Variants in CYRIB observed in about 807,000 individuals in gnomAD.
The protein encoded by CYRIB is CYFIP-related Rac1 interactor B.
Under a neutral mutation model 44.2 loss-of-function variants are expected in CYRIB, and 8 were observed. That is an observed-to-expected ratio of 0.18 (90% CI 0.11 to 0.33). The LOEUF is 0.33. Among genes scored for constraint, CYRIB ranks in the 10% least tolerant of loss-of-function variants. The pLI is 1.00. For synonymous variants in CYRIB, 131 were observed against 127.2 expected (o/e 1.03, Z -0.20); for missense variants, 185 against 382.8 (o/e 0.48, Z 4.31).
intron 1 of CYRIB, among the ~76,000 whole-genome samples, chr8:129,981,468 T>A (rs2096237906): frequency 6.6e-6 from 1 of 152,194 alleles, no homozygotes; most frequent in Non-Finnish European, 1.5e-5. Context: ...CACCCTTTTT[T>A]AAGTGGAGAC....
chr8:129,959,038 T>C (rs1591175067), intron 2 of CYRIB, among the ~76,000 whole-genome samples: 1 of 114,424 alleles, frequency 8.7e-6, no homozygotes, highest in Non-Finnish European at 1.6e-5. Context: ...CACTCCAGCC[T>C]GGGCAACAGA....
intron 3 of CYRIB, among the ~76,000 whole-genome samples, chr8:129,875,045 T>C (rs2058640556): frequency 6.6e-6 from 1 of 152,184 alleles, no homozygotes; most frequent in African/African-American, 2.4e-5. Flanking sequence ...AAAAAATACT[T>C]ACTGAACTTC....
At chr8:129,965,597 C>T (rs2095443657) in intron 2 of CYRIB, among the ~76,000 whole-genome samples, 1 of 151,770 alleles carries the variant, frequency 6.6e-6, no homozygotes, top group African/African-American at 2.4e-5. Context: ...GAGATCGAGA[C>T]CGTCCTGGCT....
chr8:129,984,327 G>C (rs990180200), intron 1 of CYRIB, among the ~76,000 whole-genome samples: 11 of 152,172 alleles, frequency 7.2e-5, no homozygotes, highest in Non-Finnish European at 1.6e-4. Flanking sequence ...GTGTCTCCCA[G>C]GCAGGGCTGG....
At chr8:129,924,298 G>C in intron 1 of CYRIB, among the ~76,000 whole-genome samples, 3 of 98,598 alleles carry the variant, frequency 3.0e-5, no homozygotes, top group Non-Finnish European at 6.5e-5. Flanking sequence ...AACCGGGGGG[G>C]GGGGGGGTGG....
intron 2 of CYRIB, 200 bp from the exon 5 acceptor site, chr8:129,879,671 T>C: frequency 1.9e-6 from 1 of 514,084 alleles, no homozygotes; most frequent in Non-Finnish European, 3.4e-6. Flanking sequence ...TGAAATGTGG[T>C]TTTCCTGTAC....
chr8:129,871,257 T>C, intron 4 of CYRIB, 118 bp downstream of exon 6: 1 of 1,175,966 alleles, frequency 8.5e-7, no homozygotes, highest in Non-Finnish European at 1.2e-6. Flanking sequence ...CAAGTGAGCA[T>C]CCTTCAAATA....
At chr8:129,934,820 G>A (rs1265011356) in intron 1 of CYRIB, among the ~76,000 whole-genome samples, 4 of 152,136 alleles carry the variant, frequency 2.6e-5, no homozygotes, top group Non-Finnish European at 4.4e-5. Context: ...CCAGCAACTG[G>A]ACCCGTTTAG....
intron 1 of CYRIB, among the ~76,000 whole-genome samples, chr8:129,912,949 T>C (rs999685348): frequency 6.6e-6 from 1 of 150,884 alleles, no homozygotes; most frequent in African/African-American, 2.4e-5. Context: ...TGCAATACCA[T>C]GACTTTCAGG....
At chr8:129,895,508 G>A (rs748017225) in intron 2 of CYRIB, among the ~76,000 whole-genome samples, 1 of 151,664 alleles carries the variant, frequency 6.6e-6, no homozygotes, top group Non-Finnish European at 1.5e-5. Context: ...TCACTCATGT[G>A]ATTGTCAAAT....
At chr8:129,920,435 T>C (rs1334372668) in intron 1 of CYRIB, among the ~76,000 whole-genome samples, 1 of 152,156 alleles carries the variant, frequency 6.6e-6, no homozygotes, top group Non-Finnish European at 1.5e-5. Context: ...ATTTAGAAGT[T>C]TCATAGAGAT....
chr8:129,968,085 C>T (rs1176903954), intron 2 of CYRIB, among the ~76,000 whole-genome samples: 2 of 152,188 alleles, frequency 1.3e-5, no homozygotes, highest in Admixed American at 1.3e-4. Context: ...GCTTAAACTG[C>T]TATTTAGTTT....
chr8:129,903,834 C>T (rs1240862808), intron 1 of CYRIB, among the ~76,000 whole-genome samples: 1 of 152,148 alleles, frequency 6.6e-6, no homozygotes, highest in Non-Finnish European at 1.5e-5. Flanking sequence ...GTGACCATAA[C>T]CTATTATTTG....
intron 1 of CYRIB, among the ~76,000 whole-genome samples, chr8:129,987,534 C>A (rs1427780293): frequency 1.3e-5 from 2 of 151,234 alleles, no homozygotes; most frequent in Non-Finnish European, 2.9e-5. Flanking sequence ...CCACCTCCCA[C>A]CTTTTCTTTT....
chr8:129,867,920 T>A (rs947445940), intron 4 of CYRIB, among the ~76,000 whole-genome samples: 1 of 152,200 alleles, frequency 6.6e-6, no homozygotes, highest in African/African-American at 2.4e-5. Flanking sequence ...CCAAAAAGAC[T>A]ACCCATTTTA....
chr8:129,915,374 A>C lies in CYRIB; in HGVS notation c.-49-12024T>G, dbSNP rs58039071. On this transcript the variant is annotated intron_variant, in intron 1 of 11. Coordinates refer to ENST00000519824, the Ensembl canonical transcript of CYRIB. ...TCAAAATCACTATGCTGAGTTGAAGAAGCCAGATATAAAAGAATATATATT... is the reference window on the plus strand; with the variant it reads ...TCAAAATCACTATGCTGAGTTGAAGCAGCCAGATATAAAAGAATATATATT... Among the ~76,000 whole-genome samples, 641 of 152,364 alleles carry C rather than the reference A, an allele frequency of 4.2e-3. 7 individuals carry two copies. Among genetic ancestry groups the C allele is most frequent in the African/African-American group, 0.014 (600 of 41,578 alleles).
At chr8:129,984,053 G>T (rs2096359625) in intron 1 of CYRIB, among the ~76,000 whole-genome samples, 2 of 152,220 alleles carry the variant, frequency 1.3e-5, no homozygotes, top group African/African-American at 4.8e-5. Flanking sequence ...TGCACAGCTG[G>T]GGCCTCCGTA....
In CYRIB at chr8:129,883,514, A is replaced by AG. The variant is rs575953471; in HGVS notation, c.-10-4044_-10-4043insC. ...TCAAAGCTCTAAAAACAGTCCCATT[A>AG]TAACATTATCGGTTCTCCTATCCTT... On this transcript the variant is annotated intron_variant, in intron 2 of 11. Transcript: ENST00000519824. Among the ~76,000 whole-genome samples the AG allele has an allele frequency of 1.2e-3, 178 of 152,312 alleles. 4 individuals carry two copies. In the East Asian group the frequency reaches 0.031, roughly 26 times the overall value.
At chr8:129,953,620 T>A (rs1319717112) in intron 2 of CYRIB, among the ~76,000 whole-genome samples, 2 of 152,150 alleles carry the variant, frequency 1.3e-5, no homozygotes, top group African/African-American at 4.8e-5. Context: ...CACCACTGTA[T>A]CCCCAGTGAG....
Sources: gnomAD v4.1 joint callset for allele counts (sites outside exome capture counted in the v4.1 genomes callset) on GRCh38, gnomAD v4.1.1 for gene constraint, MANE v1.5 for transcripts, NCBI Gene and HGNC (gene_info 2026-07-23, HGNC 2026-07-21) for gene names.